The following NADSYN1 variants were observed in gnomAD, a reference collection of about 807,000 sequenced individuals.
NADSYN1 encodes the protein NAD synthetase 1, also known as glutamine-dependent NAD(+) synthetase.
Under a neutral mutation model 99.3 loss-of-function variants are expected in NADSYN1, and 80 were observed. The ratio of observed to expected loss-of-function variants is 0.81; its 90% CI spans 0.67 to 0.97. The LOEUF (loss-of-function observed/expected upper bound fraction) is 0.97. NADSYN1 is among the 50% of genes least tolerant of loss of function. NADSYN1 has a pLI of 0.00. For synonymous variants in NADSYN1, 385 were observed against 372.1 expected (o/e 1.03, Z -0.40); for missense variants, 859 against 948.5 (o/e 0.91, Z 1.24).
chr11:71,468,519 A>G (rs907161302), intron 5 of NADSYN1, among the ~76,000 whole-genome samples: 1 of 152,172 alleles, frequency 6.6e-6, no homozygotes, highest in Admixed American at 6.5e-5. Context: ...GATTGTCAAA[A>G]TAGCAGGCAG....
At position 71,498,384 on chromosome 11, in the gene NADSYN1, G is replaced by C. The variant is rs1949834730; in HGVS notation, c.1926G>C (p.Lys642Asn). Residue 642 changes from lysine to asparagine, a missense_variant, in exon 20 of 21, where the codon AAG (lysine) becomes AAC (asparagine). Physicochemically the swap from Lys to Asn is moderately conservative, Grantham distance 94. Coordinates refer to ENST00000319023, the MANE Select transcript of NADSYN1 (RefSeq NM_018161.5). ...ACAAAGTGAAGCGGTTTTTCTCCAA[G>C]TACTCCATGAACAGACACAAGATGA... is the stretch of plus-strand genomic sequence containing the variant. ...VADKVKRFFSKYSMNRHKMTT... is the reference protein window; with the variant it reads ...VADKVKRFFSNYSMNRHKMTT... 6.2e-7 allele frequency: 1 copy of C among 1,614,210 alleles called. No homozygotes were observed. The highest frequency in any genetic ancestry group is 1.7e-5 in the Admixed American group (1 of 60,024).
chr11:71,474,834 G>C (rs745744412), intron 9 of NADSYN1: 2 of 390,968 alleles, frequency 5.1e-6, no homozygotes, highest in Non-Finnish European at 9.8e-6. Flanking sequence ...GGTGAGGGGG[G>C]ACCTCCCGCC....
chr11:71,491,897 C>T lies in NADSYN1; in HGVS notation c.1758C>T (p.Thr586=), dbSNP rs745842362. The T allele has an allele frequency of 6.2e-6, 10 of 1,613,836 alleles. No individual in the cohort carries two copies. Among genetic ancestry groups the T allele is most frequent in the East Asian group, 4.5e-5 (2 of 44,886 alleles). ...TGGCTGATGGACAGGTGTCCCAGAC[C>T]GACGAGGTAATGGCGGTGGCTTTGC... ...EPLADGQVSQ[T]DEEDMGMTYA... is the part of the protein sequence containing the mutation. Residue 586 remains threonine (T), a synonymous_variant, in exon 18 of 21, where the codon ACC becomes ACT. Coordinates refer to ENST00000319023, the MANE Select transcript of NADSYN1 (RefSeq NM_018161.5).
At chr11:71,453,954 A>T (rs1446000485) in intron 1 of NADSYN1, among the ~76,000 whole-genome samples, 1 of 152,060 alleles carries the variant, frequency 6.6e-6, no homozygotes, top group African/African-American at 2.4e-5. Context: ...AAAATACAAA[A>T]ATCAGCCGGG....
intron 18 of NADSYN1, among the ~76,000 whole-genome samples, chr11:71,493,180 C>G (rs1182243735): frequency 6.6e-6 from 1 of 152,230 alleles, no homozygotes; most frequent in East Asian, 1.9e-4. Context: ...AGGAGTGAGC[C>G]ACTGAGCCCG....
intron 9 of NADSYN1, chr11:71,476,259 G>A (rs1374693657): frequency 8.2e-6 from 3 of 364,730 alleles, no homozygotes; most frequent in African/African-American, 6.4e-5. Flanking sequence ...TTGGGAATGG[G>A]CATTAAAGCA....
chr11:71,463,914 A>C, intron 4 of NADSYN1, 139 bp from the exon 5 acceptor site: 1 of 641,718 alleles, frequency 1.6e-6, no homozygotes, highest in Non-Finnish European at 2.7e-6. Context: ...AGCCCAGAGA[A>C]GGAGAGAGAT....
At chr11:71,499,483 C>A (rs957671817) in intron 20 of NADSYN1, 6 of 152,212 alleles carry the variant, frequency 3.9e-5, no homozygotes, top group African/African-American at 1.4e-4. Flanking sequence ...GGACACCCCT[C>A]TATGAGTATG....
At chr11:71,462,468 G>T (rs549411952) in intron 3 of NADSYN1, among the ~76,000 whole-genome samples, 1 of 152,258 alleles carries the variant, frequency 6.6e-6, no homozygotes, top group Admixed American at 6.5e-5. Flanking sequence ...AGTTCGAGCA[G>T]TGCCCATCTT....
At chr11:71,484,725 T>C (rs1949730857) in intron 15 of NADSYN1, 1 of 426,626 alleles carries the variant, frequency 2.3e-6, no homozygotes, top group African/African-American at 2.0e-5. Context: ...ATGTGCGTGC[T>C]CGAGTGTGTG....
chr11:71,497,666 G>A, intron 19 of NADSYN1, 55 bp downstream of exon 19: 4 of 1,610,412 alleles, frequency 2.5e-6, no homozygotes, highest in Non-Finnish European at 3.4e-6. Flanking sequence ...TGTCCCCTTT[G>A]CAGAGGCCGG....
At chr11:71,464,176 CG>C in intron 5 of NADSYN1, 34 bp downstream of exon 5, 1 of 1,514,520 alleles carries the variant, frequency 6.6e-7, no homozygotes, top group Non-Finnish European at 9.1e-7. Flanking sequence ...CTGGGATGTG[CG>C]TTAAGCACCT....
intron 5 of NADSYN1, among the ~76,000 whole-genome samples, chr11:71,469,192 T>C (rs1202022370): frequency 6.6e-6 from 1 of 152,100 alleles, no homozygotes; most frequent in East Asian, 1.9e-4. Context: ...GTGTGGTGGC[T>C]CATGCCTGTA....
chr11:71,491,959 G>A (rs1306478960), intron 18 of NADSYN1, 56 bp downstream of exon 18: 4 of 1,529,566 alleles, frequency 2.6e-6, no homozygotes, highest in Non-Finnish European at 3.6e-6. Context: ...CCTCCTGTGT[G>A]GTGGTGCTGG....
chr11:71,471,288 A>G (rs575770405), intron 5 of NADSYN1, among the ~76,000 whole-genome samples: 1 of 152,354 alleles, frequency 6.6e-6, no homozygotes, highest in East Asian at 1.9e-4. Context: ...TGAGGTTTCT[A>G]ATCCTCTGGG....
chr11:71,456,918 C>G (rs12270619), intron 2 of NADSYN1, among the ~76,000 whole-genome samples: 7,331 of 152,318 alleles, frequency 0.048, 589 homozygotes, highest in African/African-American at 0.17. Context: ...ACCTGATACA[C>G]AGGGAGGGCC....
Position 71,474,507 on chromosome 11 carries a change from A to G in NADSYN1, c.779A>G (p.Gln260Arg). Residue 260 changes from glutamine to arginine, a missense_variant, in exon 9 of 21, where the codon CAG (glutamine) becomes CGG (arginine). Physicochemically the swap from Gln to Arg is conservative, Grantham distance 43. Coordinates refer to ENST00000319023, the MANE Select transcript of NADSYN1 (RefSeq NM_018161.5). ...GGAAGCGTCTTTGCTCAAGGATCCC[A>G]GTTTTCTCTGGATGACGTGGTAATG... ...MNGSVFAQGS[Q>R]FSLDDVEVLT... 1.2e-6 allele frequency: 2 copies of G among 1,614,150 alleles called. No individual in the cohort carries two copies. The highest frequency in any genetic ancestry group is 1.7e-6 in the Non-Finnish European group (2 of 1,180,000).
intron 18 of NADSYN1, 93 bp from the exon 19 acceptor site, chr11:71,497,390 C>A: frequency 1.3e-6 from 2 of 1,548,056 alleles, no homozygotes; most frequent in East Asian, 2.3e-5. Context: ...GTATTGCCTC[C>A]TTGGTCTCTG....
In NADSYN1 at chr11:71,453,216, C is replaced by G; in HGVS notation, c.-81C>G. Reference sequence around the variant, plus strand: ...GCGGGGCCGGGCAACCCGGAAGGTCCGGCGTCCCAGCCGCCTACCTCGCTG... The same window carrying G: ...GCGGGGCCGGGCAACCCGGAAGGTCGGGCGTCCCAGCCGCCTACCTCGCTG... On this transcript the variant is annotated 5_prime_UTR_variant, in exon 1 of 21. Coordinates refer to ENST00000319023, the MANE Select transcript of NADSYN1 (RefSeq NM_018161.5). The G allele has an allele frequency of 7.8e-7, 1 of 1,282,172 alleles. No homozygotes were observed. Among genetic ancestry groups the G allele is most frequent in the Non-Finnish European group, 1.1e-6 (1 of 905,174 alleles). 79.4% of individuals were successfully genotyped at this position (1,282,172 alleles called of 1,614,324 possible).
Sources: allele counts gnomAD v4.1 joint callset (sites outside exome capture counted in the v4.1 genomes callset), GRCh38; gene constraint gnomAD v4.1.1; transcripts MANE v1.5; gene names NCBI Gene and HGNC (gene_info 2026-07-23, HGNC 2026-07-21).